TRIO: variants seen among roughly 807,000 people sequenced by gnomAD.
The protein encoded by TRIO is triple functional domain protein.
A neutral mutation model predicts 351.9 loss-of-function variants in TRIO; 58 were observed. That is an observed-to-expected ratio of 0.16 (90% CI 0.13 to 0.21). The LOEUF (loss-of-function observed/expected upper bound fraction) is 0.21, where lower values mean the gene tolerates loss of function less well. Ranked by LOEUF, TRIO falls within the 10% of genes least tolerant of loss-of-function variation. The pLI is 1.00. For synonymous variants in TRIO, 1,758 were observed against 1,595.7 expected, an observed-to-expected ratio of 1.10 and a Z score of -2.42; for missense variants, 3,201 against 4,027.8, an observed-to-expected ratio of 0.79 and a Z score of 5.56.
At chr5:14,422,742 A>G (rs1338946812) in intron 34 of TRIO, among the ~76,000 whole-genome samples, 1 of 152,214 alleles carries the variant, frequency 6.6e-6, no homozygotes, top group East Asian at 1.9e-4. Flanking sequence ...TTTTAAATGA[A>G]CAAGAAATTC....
intron 27 of TRIO, among the ~76,000 whole-genome samples, chr5:14,392,276 T>C (rs1405809858): frequency 4.7e-5 from 7 of 149,992 alleles, no homozygotes; most frequent in Admixed American, 4.0e-4. Context: ...GGGCGAAGGA[T>C]ATGAACAGAC....
chr5:14,430,018 T>G (rs1444796297), intron 34 of TRIO, among the ~76,000 whole-genome samples: 2 of 152,092 alleles, frequency 1.3e-5, no homozygotes, highest in Non-Finnish European at 2.9e-5. Context: ...TGGGATCAGT[T>G]TGTTCACTGA....
intron 34 of TRIO, among the ~76,000 whole-genome samples, chr5:14,452,303 C>G (rs1235473020): frequency 1.3e-5 from 2 of 152,244 alleles, no homozygotes; most frequent in Non-Finnish European, 2.9e-5. Context: ...GCAGCTTTTT[C>G]CTACACATCA....
chr5:14,149,543 AAG>A (rs1181584086), intron 1 of TRIO, among the ~76,000 whole-genome samples: 11 of 152,152 alleles, frequency 7.2e-5, no homozygotes, highest in Non-Finnish European at 1.6e-4. Flanking sequence ...TATGTGGGGA[AAG>A]AGAGAGCAAA....
At chr5:14,468,545 T>A (rs566055157) in intron 37 of TRIO, among the ~76,000 whole-genome samples, 33 of 152,376 alleles carry the variant, frequency 2.2e-4, no homozygotes, top group African/African-American at 7.9e-4. Context: ...CCTCTTTTTC[T>A]GGTTCAAGAG....
At position 14,440,450 on chromosome 5, in the gene TRIO, A is replaced by G. The variant is rs1751935300; in HGVS notation, c.5203+20429A>G. 3.3e-5 allele frequency among the ~76,000 whole-genome samples: 5 copies of G among 152,258 alleles called. 1 individual carries two copies. The highest frequency in any genetic ancestry group is 3.3e-4 in the Admixed American group (5 of 15,286). On this transcript the variant is annotated intron_variant, in intron 34 of 56. Coordinates refer to ENST00000344204, the MANE Select transcript of TRIO (RefSeq NM_007118.4). ...TGTGGTGTGGGACAAGGGAGCGAAC[A>G]TATGGAAACTTTCAAAGAGAGAGTA...
intron 48 of TRIO, among the ~76,000 whole-genome samples, chr5:14,489,939 C>A (rs1756359061): frequency 6.6e-6 from 1 of 152,160 alleles, no homozygotes; most frequent in African/African-American, 2.4e-5. Flanking sequence ...TACAGAAATG[C>A]CCTAAAGGCC....
chr5:14,327,221 A>G (rs1319415858), intron 9 of TRIO, among the ~76,000 whole-genome samples: 1 of 152,074 alleles, frequency 6.6e-6, no homozygotes, highest in South Asian at 2.1e-4. Flanking sequence ...CTGGAGTGCA[A>G]TGGCATGATC....
chr5:14,414,418 A>G (rs909802702), intron 33 of TRIO, among the ~76,000 whole-genome samples: 25 of 152,272 alleles, frequency 1.6e-4, no homozygotes, highest in Admixed American at 1.6e-3. Context: ...ATTTCATTCC[A>G]ATTCATGTGT....
intron 1 of TRIO, among the ~76,000 whole-genome samples, chr5:14,197,854 A>C (rs564204745): frequency 6.6e-6 from 1 of 152,360 alleles, no homozygotes; most frequent in East Asian, 1.9e-4. Flanking sequence ...AAGGTACCCG[A>C]ATCTCTTATA....
Position 14,267,736 on chromosome 5 carries a change from T to G in TRIO, c.158-3089T>G, listed in dbSNP as rs958078750. On this transcript the variant is annotated intron_variant, in intron 1 of 56. Transcript: ENST00000344204. ...ATATTTAATCTGGTTTTAGTATTTATACATGCTTCCTGAGTTCTTTGCTTA... is the reference window on the plus strand; with the variant it reads ...ATATTTAATCTGGTTTTAGTATTTAGACATGCTTCCTGAGTTCTTTGCTTA... Among the ~76,000 whole-genome samples, 8 of 152,230 alleles carry G rather than the reference T, an allele frequency of 5.3e-5. 1 individual carries two copies. The highest frequency in any genetic ancestry group is 6.8e-3 in the Middle Eastern group (2 of 294).
chr5:14,211,314 C>G (rs1258572126), intron 1 of TRIO, among the ~76,000 whole-genome samples: 1 of 152,130 alleles, frequency 6.6e-6, no homozygotes, highest in Non-Finnish European at 1.5e-5. Flanking sequence ...TTTGGGCTGG[C>G]AAAATGCCTA....
chr5:14,262,586 G>A (rs1795415047), intron 1 of TRIO, among the ~76,000 whole-genome samples: 1 of 152,150 alleles, frequency 6.6e-6, no homozygotes, highest in Non-Finnish European at 1.5e-5. Context: ...AGGGAATTAA[G>A]AACATCTATT....
intron 34 of TRIO, among the ~76,000 whole-genome samples, chr5:14,460,363 C>T (rs941951073): frequency 1.8e-4 from 27 of 152,284 alleles, no homozygotes; most frequent in African/African-American, 3.9e-4. Flanking sequence ...GGCTGAGGGC[C>T]GCTCCTCCGA....
At chr5:14,418,007 G>A (rs550738636) in intron 33 of TRIO, among the ~76,000 whole-genome samples, 5 of 152,300 alleles carry the variant, frequency 3.3e-5, no homozygotes, top group Non-Finnish European at 5.9e-5. Context: ...GGGATGGAAA[G>A]TTCACAGAAG....
intron 16 of TRIO, among the ~76,000 whole-genome samples, chr5:14,367,282 C>T (rs1388535074): frequency 5.3e-5 from 8 of 152,150 alleles, no homozygotes; most frequent in Non-Finnish European, 1.5e-5. Flanking sequence ...TGGCAAGATG[C>T]ACTTTCTCTC....
chr5:14,507,274 C>T lies in TRIO; in HGVS notation c.8751+14C>T, dbSNP rs187364350. ...CTGGACCTAAAGGTTGGTGAGGCCCCGGGCAGGTGAAGGGGGGTCTGAGCA... is the reference window on the plus strand; with the variant it reads ...CTGGACCTAAAGGTTGGTGAGGCCCTGGGCAGGTGAAGGGGGGTCTGAGCA... On this transcript the variant is annotated intron_variant, in intron 56 of 56. Transcript: ENST00000344204. 5.9e-5 allele frequency: 95 copies of T among 1,610,398 alleles called. No individual in the cohort carries two copies. The highest frequency in any genetic ancestry group is 1.3e-4 in the East Asian group (6 of 44,852).
intron 1 of TRIO, among the ~76,000 whole-genome samples, chr5:14,204,920 A>G (rs545955798): frequency 1.3e-5 from 2 of 152,164 alleles, no homozygotes; most frequent in Non-Finnish European, 2.9e-5. Flanking sequence ...CCATGTATAC[A>G]CTTTAGTAAT....
At chr5:14,217,430 C>T (rs1792295141) in intron 1 of TRIO, among the ~76,000 whole-genome samples, 1 of 152,092 alleles carries the variant, frequency 6.6e-6, no homozygotes, top group Non-Finnish European at 1.5e-5. Flanking sequence ...ATTGAAATGA[C>T]CATAAAGCTT....
Sources: allele counts gnomAD v4.1 joint callset (sites outside exome capture counted in the v4.1 genomes callset), GRCh38; gene constraint gnomAD v4.1.1; transcripts MANE v1.5; gene names NCBI Gene and HGNC (gene_info 2026-07-23, HGNC 2026-07-21).